COX20: variants seen among roughly 807,000 people sequenced by gnomAD.
COX20 encodes the protein cytochrome c oxidase assembly protein COX20, mitochondrial.
COX20 carries 14 observed loss-of-function variants against 14.3 expected under a neutral mutation model. The ratio of observed to expected loss-of-function variants is 0.98; its 90% CI spans 0.65 to 1.53. COX20 has a LOEUF of 1.53. Ranked by LOEUF, COX20 falls within the 40% of genes most tolerant of loss-of-function variation. The pLI is 0.00. For missense variants in COX20, 149 were observed against 142.1 expected (o/e 1.05, Z -0.25); for synonymous variants, 56 against 51.7 (o/e 1.08, Z -0.36).
rs1426836715 is a variant in COX20, at chr1:244,842,142, T to C, written c.158-53T>C. On this transcript the variant is annotated intron_variant, in intron 2 of 3. Coordinates refer to ENST00000411948, the MANE Select transcript of COX20 (RefSeq NM_198076.6). Reference sequence around the variant, plus strand: ...GAACTATTTTTTTTTCTAGGTGGAGTAATGTATATAACGTAATTATATTCT... The same window carrying C: ...GAACTATTTTTTTTTCTAGGTGGAGCAATGTATATAACGTAATTATATTCT... 3 of 1,450,768 alleles carry C rather than the reference T, an allele frequency of 2.1e-6. No individual in the cohort carries two copies. The Admixed American group carries it at 5.0e-5, about 24-fold the overall frequency. 89.9% of individuals were successfully genotyped at this position (1,450,768 alleles called of 1,614,324 possible). A position where few individuals can be genotyped will look rare whatever the true frequency, so the allele number is the denominator to read the frequency against.
chr1:244,840,470 A>G (rs12092895), intron 1 of COX20: 24,879 of 152,226 alleles, frequency 0.16, 2,352 homozygotes, highest in Middle Eastern at 0.33. Flanking sequence ...CCACATGATC[A>G]TATGTCCCCT....
intron 1 of COX20, among the ~76,000 whole-genome samples, chr1:244,836,208 TTAAGA>T (rs1430586451): frequency 2.0e-5 from 3 of 152,014 alleles, no homozygotes; most frequent in African/African-American, 7.3e-5. Context: ...AGATGAAGGG[TTAAGA>T]TTTCTTCCCC....
intron 3 of COX20, chr1:244,842,787 C>T (rs1405158182): frequency 3.3e-6 from 1 of 306,294 alleles, no homozygotes; most frequent in African/African-American, 2.2e-5. Context: ...TATCAGAAGA[C>T]TTAAAAACTA....
intron 1 of COX20, among the ~76,000 whole-genome samples, chr1:244,838,245 G>A (rs1680061518): frequency 6.6e-6 from 1 of 152,188 alleles, no homozygotes; most frequent in South Asian, 2.1e-4. Context: ...TAAGAGGAAG[G>A]TTTGGAGGTG....
At position 244,841,935 on chromosome 1, in the gene COX20, TC is replaced by T. The variant is rs1330653268; in HGVS notation, c.43-8del. 6.5e-7 allele frequency: 1 copy of T among 1,535,800 alleles called. No homozygotes were observed. Among genetic ancestry groups the T allele is most frequent in the Admixed American group, 1.9e-5 (1 of 51,548 alleles). On this transcript the variant is annotated splice_polypyrimidine_tract_variant and splice_region_variant and intron_variant, in intron 1 of 3. Transcript: ENST00000411948. ...CTTACTCAATCTAGGTTCTTTTTTT[TC>T]ATTCTAGTCCCTTAAGCTCCTAGGA...
At chr1:244,841,434 A>C (rs1242344710) in intron 1 of COX20, 1 of 154,244 alleles carries the variant, frequency 6.5e-6, no homozygotes, top group Admixed American at 6.4e-5. Context: ...AAGGTGAAAC[A>C]TTTACTCTTA....
chr1:244,841,892 C>G (rs1558178217), intron 1 of COX20, 52 bp from the exon 2 acceptor site: 6 of 1,184,990 alleles, frequency 5.1e-6, no homozygotes, highest in Middle Eastern at 2.9e-4. Context: ...GCCAAAGCAC[C>G]CCAAAATGAA....
At chr1:244,842,830 G>C (rs1263165652) in intron 3 of COX20, 4 of 397,032 alleles carry the variant, frequency 1.0e-5, no homozygotes, top group Non-Finnish European at 1.8e-5. Flanking sequence ...TTGTTATGTA[G>C]ACATCCTTTT....
At chr1:244,838,820 T>A (rs541195853) in intron 1 of COX20, among the ~76,000 whole-genome samples, 1 of 152,130 alleles carries the variant, frequency 6.6e-6, no homozygotes, top group South Asian at 2.1e-4. Context: ...GATGGAGTCT[T>A]CTTGCTCTGT....
At chr1:244,842,120 CTA>C (rs1680228801) in intron 2 of COX20, 62 bp downstream of exon 2, 14 of 1,488,504 alleles carry the variant, frequency 9.4e-6, no homozygotes, top group Middle Eastern at 1.7e-4. Flanking sequence ...ACATAATGAA[CTA>C]TTTTTTTTTC....
At chr1:244,836,645 T>C in intron 1 of COX20, 1 of 785,106 alleles carries the variant, frequency 1.3e-6, no homozygotes. Flanking sequence ...AAGTTTAATA[T>C]AAACTAGGGA....
chr1:244,836,160 G>A (rs938636333), intron 1 of COX20, among the ~76,000 whole-genome samples: 10 of 152,124 alleles, frequency 6.6e-5, no homozygotes, highest in African/African-American at 2.4e-4. Context: ...TTTAACATAG[G>A]AGTAATTGCT....
upstream of COX20, chr1:244,835,309 CGT>C (rs1679921893): frequency 6.1e-6 from 1 of 164,420 alleles, no homozygotes; most frequent in Non-Finnish European, 1.3e-5. Context: ...GAGGCTCGTG[CGT>C]GTGAGCACGC....
At chr1:244,838,607 A>C (rs1680073764) in intron 1 of COX20, among the ~76,000 whole-genome samples, 1 of 152,236 alleles carries the variant, frequency 6.6e-6, no homozygotes. Flanking sequence ...TTTAGACTGC[A>C]GTGGATGTCT....
chr1:244,838,355 G>A (rs1680064704), intron 1 of COX20, among the ~76,000 whole-genome samples: 1 of 152,132 alleles, frequency 6.6e-6, no homozygotes, highest in Non-Finnish European at 1.5e-5. Context: ...AGAGATTAGG[G>A]TTTGATTTAG....
Position 244,835,659 on chromosome 1 carries a change from C to A in COX20, c.-56C>A, listed in dbSNP as rs773691562. 5.5e-4 allele frequency: 666 copies of A among 1,221,568 alleles called. 2 individuals carry two copies. In the Middle Eastern group the frequency reaches 9.9e-3, roughly 18 times the overall value. The allele number at this position is 1,221,568 out of a possible 1,614,324, so 75.7% of individuals were successfully genotyped here. ...ACGGGGAGGGGCGCGGCCAGCCGGG[C>A]TTCTGCTTCCGCGACCCCGGCGGTG... is the stretch of plus-strand genomic sequence containing the variant. On this transcript the variant is annotated 5_prime_UTR_variant, in exon 1 of 4. Transcript: ENST00000411948.
intron 1 of COX20, 24 bp from the exon 2 acceptor site, chr1:244,841,920 C>T: frequency 7.2e-7 from 1 of 1,392,206 alleles, no homozygotes; most frequent in Non-Finnish European, 1.0e-6. Context: ...CTTACTCAAT[C>T]TAGGTTCTTT....
chr1:244,841,843 C>G lies in COX20; in HGVS notation c.43-101C>G. The G allele has an allele frequency of 4.3e-6, 3 of 695,672 alleles. No individual in the cohort carries two copies. In the South Asian group the frequency reaches 5.6e-5, roughly 13 times the overall value. 43.1% of individuals were successfully genotyped at this position (695,672 alleles called of 1,614,324 possible). A position where few individuals can be genotyped will look rare whatever the true frequency, so the allele number is the denominator to read the frequency against. On this transcript the variant is annotated intron_variant, in intron 1 of 3. Coordinates refer to ENST00000411948, the MANE Select transcript of COX20 (RefSeq NM_198076.6). ...ACGTGGCACATACTCTAGTTTAAAC[C>G]CTCAACTACAAGAAAAGAAATGGTG... is the stretch of plus-strand genomic sequence containing the variant.
At position 244,835,705 on chromosome 1, in the gene COX20, A is replaced by T. The variant is rs887727938; in HGVS notation, c.-10A>T. The T allele has an allele frequency of 2.0e-4, 248 of 1,260,258 alleles. No homozygotes were observed. The highest frequency in any genetic ancestry group is 2.4e-4 in the Non-Finnish European group (245 of 1,000,162). 78.1% of individuals were successfully genotyped at this position (1,260,258 alleles called of 1,614,324 possible). On this transcript the variant is annotated 5_prime_UTR_variant, in exon 1 of 4. Transcript: ENST00000411948. ...CGGTGCAGGGCGGGTGGAGTCGCGGAGTAGTCCTCATGGCCGCCCCGCCGG... is the reference window on the plus strand; with the variant it reads ...CGGTGCAGGGCGGGTGGAGTCGCGGTGTAGTCCTCATGGCCGCCCCGCCGG...
Sources: allele counts gnomAD v4.1 joint callset (sites outside exome capture counted in the v4.1 genomes callset), GRCh38; gene constraint gnomAD v4.1.1; transcripts MANE v1.5; gene names NCBI Gene and HGNC (gene_info 2026-07-23, HGNC 2026-07-21).